Variants in FAM227B observed in about 807,000 individuals in gnomAD.
FAM227B encodes the protein protein FAM227B.
Under a neutral mutation model 73.8 loss-of-function variants are expected in FAM227B, and 88 were observed. The ratio of observed to expected loss-of-function variants is 1.19; its 90% confidence interval spans 1.00 to 1.42. The LOEUF (loss-of-function observed/expected upper bound fraction) is 1.42, where lower values mean the gene tolerates loss of function less well. Among genes scored for constraint, FAM227B ranks in the 40% most tolerant of loss-of-function variants. FAM227B has a pLI of 0.00. For synonymous variants in FAM227B, 210 were observed against 190.5 expected (o/e 1.10, Z -0.84); for missense variants, 632 against 590.9 (o/e 1.07, Z -0.72).
rs530060210 is a variant in FAM227B, at chr15:49,590,285, A to G, written c.106-278T>C. Among the ~76,000 whole-genome samples the G allele has an allele frequency of 1.6e-4, 25 of 152,358 alleles. 1 individual carries two copies. The highest frequency in any genetic ancestry group is 1.3e-3 in the Admixed American group (20 of 15,304). ...CCAAAAACCAAAAACATTCTCCTAC[A>G]TAATAAATGCAACCATTAGAATCAG... On this transcript the variant is annotated intron_variant, in intron 3 of 15. Coordinates refer to ENST00000299338, the MANE Select transcript of FAM227B (RefSeq NM_152647.3).
At chr15:49,386,404 C>G (rs918403452) in intron 11 of FAM227B, among the ~76,000 whole-genome samples, 2 of 150,916 alleles carry the variant, frequency 1.3e-5, no homozygotes, top group African/African-American at 4.9e-5. Context: ...TGACTGATAT[C>G]TGGGTTAACA....
At chr15:49,349,931 G>A (rs2042013330) in intron 13 of FAM227B, among the ~76,000 whole-genome samples, 1 of 150,428 alleles carries the variant, frequency 6.6e-6, no homozygotes. Context: ...AAAACAAAAT[G>A]AGAGGGAGAA....
At chr15:49,512,919 G>A (rs1246735969) in intron 10 of FAM227B, among the ~76,000 whole-genome samples, 1 of 152,090 alleles carries the variant, frequency 6.6e-6, no homozygotes, top group East Asian at 1.9e-4. Flanking sequence ...TGTCCCTGCA[G>A]AGGGCATGAT....
chr15:49,611,058 G>C (rs1168932592), intron 3 of FAM227B, among the ~76,000 whole-genome samples, 157 bp downstream of exon 3: 1 of 152,056 alleles, frequency 6.6e-6, no homozygotes, highest in Non-Finnish European at 1.5e-5. Context: ...ACAACATAGA[G>C]CCTACTCAAA....
At chr15:49,617,973 C>G (rs2078405409) in intron 1 of FAM227B, among the ~76,000 whole-genome samples, 1 of 152,214 alleles carries the variant, frequency 6.6e-6, no homozygotes, top group South Asian at 2.1e-4. Flanking sequence ...GCTCCTCCCT[C>G]TATCTTCAAA....
At chr15:49,350,383 A>G (rs2042068621) in intron 13 of FAM227B, among the ~76,000 whole-genome samples, 1 of 152,238 alleles carries the variant, frequency 6.6e-6, no homozygotes, top group Admixed American at 6.5e-5. Flanking sequence ...CTGTGTGCAC[A>G]TACTTATATT....
chr15:49,395,069 T>C (rs1460044849), intron 11 of FAM227B, among the ~76,000 whole-genome samples: 3 of 152,192 alleles, frequency 2.0e-5, no homozygotes, highest in Non-Finnish European at 4.4e-5. Flanking sequence ...AGTCTGAACA[T>C]TTTTGCTTTA....
intron 2 of FAM227B, among the ~76,000 whole-genome samples, chr15:49,613,884 T>C (rs2078116749): frequency 6.6e-6 from 1 of 152,040 alleles, no homozygotes; most frequent in Non-Finnish European, 1.5e-5. Context: ...CTAGTCAAAT[T>C]GAAAAGAATG....
intron 11 of FAM227B, among the ~76,000 whole-genome samples, chr15:49,390,764 C>T (rs111794008): frequency 4.3e-4 from 66 of 152,118 alleles, no homozygotes; most frequent in African/African-American, 1.5e-3. Context: ...TGGGCATATA[C>T]ATAATTAAAT....
At chr15:49,333,974 G>A (rs75300926) in intron 14 of FAM227B, among the ~76,000 whole-genome samples, 3,385 of 152,268 alleles carry the variant, frequency 0.022, 102 homozygotes, top group South Asian at 0.077. Flanking sequence ...CATAGGATGG[G>A]GAAGGCTTAT....
In FAM227B at chr15:49,554,980, A is replaced by G. The variant is rs78625804; in HGVS notation, c.748-13174T>C. On this transcript the variant is annotated intron_variant, in intron 9 of 15. Transcript: ENST00000299338. ...ACTTTGAGCCTGGGGGTATCACTGT[A>G]TGTGAGATTGGTCTCTTGAAGACAG... Among the ~76,000 whole-genome samples, 1,235 of 152,262 alleles carry G rather than the reference A, an allele frequency of 8.1e-3. 20 individuals carry two copies. The highest frequency in any genetic ancestry group is 0.029 in the African/African-American group (1,197 of 41,540).
intron 10 of FAM227B, among the ~76,000 whole-genome samples, chr15:49,523,461 C>T (rs1193932980): frequency 1.3e-5 from 2 of 152,158 alleles, no homozygotes; most frequent in African/African-American, 4.8e-5. Flanking sequence ...GATTGTGAGG[C>T]CTCCCCAGCC....
At chr15:49,545,505 T>A (rs529821007) in intron 9 of FAM227B, among the ~76,000 whole-genome samples, 10 of 152,322 alleles carry the variant, frequency 6.6e-5, no homozygotes, top group African/African-American at 2.4e-4. Context: ...TCTGCTCTGA[T>A]CTTTGTTGTT....
chr15:49,516,707 A>G (rs1425165507), intron 10 of FAM227B, among the ~76,000 whole-genome samples: 2 of 152,102 alleles, frequency 1.3e-5, no homozygotes, highest in Non-Finnish European at 2.9e-5. Context: ...TGGTGGGCAG[A>G]GGCAGTCTTC....
intron 13 of FAM227B, chr15:49,365,473 G>C: frequency 1.2e-6 from 1 of 864,706 alleles, no homozygotes; most frequent in Non-Finnish European, 2.0e-6. Context: ...TATTGAAACA[G>C]GCATGATGCA....
chr15:49,475,578 ATAT>A (rs1253995000), intron 11 of FAM227B, among the ~76,000 whole-genome samples: 12 of 152,136 alleles, frequency 7.9e-5, no homozygotes, highest in Admixed American at 3.9e-4. Context: ...AACAAATAAA[ATAT>A]TATGCTAACT....
At chr15:49,598,203 T>G (rs1325314520) in intron 3 of FAM227B, among the ~76,000 whole-genome samples, 2 of 151,882 alleles carry the variant, frequency 1.3e-5, no homozygotes, top group Non-Finnish European at 3.0e-5. Context: ...TCTTTAAATT[T>G]ATCCATAAGT....
chr15:49,331,521 A>C, intron 15 of FAM227B: 1 of 402,710 alleles, frequency 2.5e-6, no homozygotes, highest in Non-Finnish European at 4.4e-6. Context: ...TTGTAATTCT[A>C]ACTGCATTTG....
At position 49,327,730 on chromosome 15, in the gene FAM227B, G is replaced by C; in HGVS notation, c.*838C>G. 2.5e-6 allele frequency: 1 copy of C among 407,914 alleles called. No individual in the cohort carries two copies. Among genetic ancestry groups the C allele is most frequent in the Non-Finnish European group, 4.4e-6 (1 of 229,752 alleles). The allele number at this position is 407,914 out of a possible 1,614,324, so 25.3% of individuals were successfully genotyped here. ...GAGGAGTACTGTTGACTTACCACTT[G>C]GAGTCAAAACCAGGGACTAGATTTA... On this transcript the variant is annotated 3_prime_UTR_variant, in exon 16 of 16. Transcript: ENST00000299338.
Sources: allele counts gnomAD v4.1 joint callset (sites outside exome capture counted in the v4.1 genomes callset), GRCh38; gene constraint gnomAD v4.1.1; transcripts MANE v1.5; gene names NCBI Gene and HGNC (gene_info 2026-07-23, HGNC 2026-07-21).